The following P2RX5 variants were observed in gnomAD, a reference collection of about 807,000 sequenced individuals.
P2RX5 encodes P2X purinoceptor 5.
Under a neutral mutation model 54.1 loss-of-function variants are expected in P2RX5, and 46 were observed. The ratio of observed to expected loss-of-function variants is 0.85; its 90% CI spans 0.67 to 1.09. The LOEUF is 1.09. P2RX5 is among the 50% of genes least tolerant of loss of function. The probability of loss-of-function intolerance (pLI) is 0.00; values close to 1 mark genes in which losing one functional copy is unlikely to be tolerated. For synonymous variants in P2RX5, 226 were observed against 226.4 expected (o/e 1.00, Z 0.02); for missense variants, 566 against 549.8 (o/e 1.03, Z -0.29).
chr17:3,678,510 G>A (rs2050154703), intron 11 of P2RX5, among the ~76,000 whole-genome samples: 1 of 152,218 alleles, frequency 6.6e-6, no homozygotes, highest in African/African-American at 2.4e-5. Flanking sequence ...AGGGAGCACA[G>A]GAGGGCTGCC....
chr17:3,714,944 T>C, the P2RX5 span: 2 of 1,580,038 alleles, frequency 1.3e-6, no homozygotes, highest in East Asian at 4.5e-5. Flanking sequence ...AAAGCCACAC[T>C]GAAACAAAGG....
intron 10 of P2RX5, among the ~76,000 whole-genome samples, chr17:3,680,000 AC>A (rs2050199259): frequency 6.7e-6 from 1 of 149,662 alleles, no homozygotes. Context: ...TGCTTCCTCC[AC>A]GTGGCGTCCT....
intron 11 of P2RX5, chr17:3,675,653 G>A (rs2050086365): frequency 1.3e-6 from 1 of 787,300 alleles, no homozygotes; most frequent in African/African-American, 1.9e-5. Context: ...CCAGGTTCAA[G>A]CGATTCTCCT....
rs1387709240 is a variant in P2RX5 at position 3,677,719 on chromosome 17, TG to T, written c.1259+1870del. On this transcript the variant is annotated intron_variant, in intron 11 of 11. Coordinates refer to ENST00000225328, the MANE Select transcript of P2RX5 (RefSeq NM_002561.4). ...AGCATCTCATTTAAGCACCTCTTGGTGGGCCCAGCACACAGCATGCGTCAAT... is the reference window on the plus strand; with the variant it reads ...AGCATCTCATTTAAGCACCTCTTGGTGGCCCAGCACACAGCATGCGTCAAT... 5 of 985,362 alleles carry T rather than the reference TG, an allele frequency of 5.1e-6. No homozygotes were observed. In the East Asian group the frequency reaches 5.7e-4, roughly 112 times the overall value. 61.0% of individuals were successfully genotyped at this position (985,362 alleles called of 1,614,324 possible).
upstream of P2RX5, among the ~76,000 whole-genome samples, chr17:3,699,922 GAA>G (rs1567744400): frequency 8.1e-4 from 52 of 64,352 alleles, no homozygotes; most frequent in African/African-American, 2.3e-3. Flanking sequence ...AGGAAGGAAA[GAA>G]AGAAAGAAAG....
In P2RX5 at chr17:3,680,149, CCTCCATCCGGT is replaced by C. The variant is rs1258706599; in HGVS notation, c.1065-376_1065-366del. Among the ~76,000 whole-genome samples, 12 of 111,326 alleles carry C rather than the reference CCTCCATCCGGT, an allele frequency of 1.1e-4. 1 individual carries two copies. Among genetic ancestry groups the C allele is most frequent in the African/African-American group, 1.4e-4 (4 of 28,862 alleles). 73.0% of individuals were successfully genotyped at this position (111,326 alleles called of 152,430 possible). ...CCACCCTGCATCCTCCACCCTGAGT[CCTCCATCCGGT>C]GTCCTCCACCCTGCATCCTCCACCC... On this transcript the variant is annotated intron_variant, in intron 10 of 11. Coordinates refer to ENST00000225328, the MANE Select transcript of P2RX5 (RefSeq NM_002561.4).
intron 11 of P2RX5, chr17:3,676,009 G>C (rs1305715062): frequency 1.0e-6 from 1 of 985,244 alleles, no homozygotes; most frequent in African/African-American, 1.7e-5. Context: ...TCAGTGGAGG[G>C]ATGCTCTCAC....
chr17:3,684,326 G>A (rs933601853), intron 9 of P2RX5, among the ~76,000 whole-genome samples: 3 of 152,280 alleles, frequency 2.0e-5, no homozygotes, highest in Non-Finnish European at 2.9e-5. Context: ...ACAATGGGCT[G>A]GGCGCGGTGG....
intron 1 of P2RX5, among the ~76,000 whole-genome samples, chr17:3,695,366 CAAGTTGA>C (rs1396978097): frequency 1.3e-5 from 2 of 152,132 alleles, no homozygotes; most frequent in Non-Finnish European, 2.9e-5. Context: ...GCGGGTGGGG[CAAGTTGA>C]CCGGAAGGGA....
chr17:3,719,398 C>G, the P2RX5 span, among the ~76,000 whole-genome samples: 1 of 152,174 alleles, frequency 6.6e-6, no homozygotes, highest in South Asian at 2.1e-4. Context: ...ACTCTCCTGA[C>G]ATTCCCTCTA....
intron 1 of P2RX5, among the ~76,000 whole-genome samples, chr17:3,695,320 G>A (rs2143002180): frequency 6.6e-6 from 1 of 152,312 alleles, no homozygotes; most frequent in East Asian, 1.9e-4. Flanking sequence ...GAGGCCTCTG[G>A]GCAGGACCCC....
intron 9 of P2RX5, among the ~76,000 whole-genome samples, chr17:3,684,798 C>T (rs987821030): frequency 6.6e-5 from 10 of 151,570 alleles, no homozygotes; most frequent in Non-Finnish European, 1.2e-4. Context: ...TCAGCAGCAC[C>T]CAGGCTAAGA....
In P2RX5 at chr17:3,688,758, C is replaced by A. The variant is rs780730251; in HGVS notation, c.755G>T (p.Gly252Val). 1.2e-6 allele frequency: 2 copies of A among 1,614,068 alleles called. No homozygotes were observed. The highest frequency in any genetic ancestry group is 1.3e-5 in the African/African-American group (1 of 75,034). Residue 252 changes from glycine to valine, a missense_variant and splice_region_variant, in exon 8 of 12, where the codon GGT (glycine) becomes GTT (valine). Coordinates refer to ENST00000225328, the MANE Select transcript of P2RX5 (RefSeq NM_002561.4). ...GSDFQDIALE[G>V]GVIGINIEWN... is the part of the protein sequence containing the mutation. ...TTCAATATTAATTCCTATCACGCCA[C>A]CCTTGATAAAAGAGAGATGAGGGTC...
chr17:3,687,972 G>GC (rs762043729), intron 9 of P2RX5, 40 bp downstream of exon 9: 3 of 299,854 alleles, frequency 1.0e-5, no homozygotes, highest in African/African-American at 3.5e-5. Context: ...CCCAGCCCCC[G>GC]CCCCCCGCCC....
chr17:3,711,370 CTTTTTTTTTTT>C, the P2RX5 span, among the ~76,000 whole-genome samples: 1,484 of 63,134 alleles, frequency 0.024, 23 homozygotes, highest in Non-Finnish European at 0.029. Context: ...AGCACTCATT[CTTTTTTTTTTT>C]TTTTTTTTTT....
intron 9 of P2RX5, chr17:3,685,499 G>T (rs2050419709): frequency 6.5e-6 from 1 of 154,284 alleles, no homozygotes; most frequent in Non-Finnish European, 1.5e-5. Flanking sequence ...CGCGGGGAGG[G>T]AGGGGAGGTA....
the P2RX5 span, among the ~76,000 whole-genome samples, chr17:3,701,715 A>AAAAT: frequency 2.9e-5 from 4 of 137,830 alleles, no homozygotes; most frequent in Non-Finnish European, 6.3e-5. Context: ...AAAAAAAAAA[A>AAAAT]AAAAGGAACT....
intron 1 of P2RX5, among the ~76,000 whole-genome samples, chr17:3,692,852 TAA>T (rs2050655681): frequency 6.6e-6 from 1 of 151,308 alleles, no homozygotes; most frequent in Non-Finnish European, 1.5e-5. Flanking sequence ...AAAAATGAAA[TAA>T]GAGTACAAAT....
At chr17:3,723,832 G>C in the P2RX5 span, 10 of 1,547,020 alleles carry the variant, frequency 6.5e-6, no homozygotes, top group Non-Finnish European at 8.7e-6. Flanking sequence ...GGCGAGGTGC[G>C]CATGCGCAGG....
Sources: allele counts gnomAD v4.1 joint callset (sites outside exome capture counted in the v4.1 genomes callset), GRCh38; gene constraint gnomAD v4.1.1; transcripts MANE v1.5; gene names NCBI Gene and HGNC (gene_info 2026-07-23, HGNC 2026-07-21).